The following RFC1 variants were observed in gnomAD, a reference collection of about 807,000 sequenced individuals.
RFC1 encodes the protein replication factor C subunit 1.
A neutral mutation model predicts 137.4 loss-of-function variants in RFC1; 37 were observed. That is an observed-to-expected ratio of 0.27 (90% confidence interval 0.21 to 0.35). The LOEUF is 0.35. RFC1 is among the 10% of genes least tolerant of loss of function. The pLI is 1.00. For missense variants in RFC1, 1,205 were observed against 1,358.5 expected, an observed-to-expected ratio of 0.89 and a Z score of 1.78; for synonymous variants, 429 against 455.7, an observed-to-expected ratio of 0.94 and a Z score of 0.75.
At chr4:39,328,677 T>A (rs17288090) in intron 4 of RFC1, among the ~76,000 whole-genome samples, 4 of 152,156 alleles carry the variant, frequency 2.6e-5, no homozygotes, top group Non-Finnish European at 5.9e-5. Context: ...AGGGGCCAAA[T>A]CCTGGAGGAC....
intron 4 of RFC1, among the ~76,000 whole-genome samples, chr4:39,331,516 C>T (rs1339568332): frequency 6.6e-6 from 1 of 151,956 alleles, no homozygotes; most frequent in Non-Finnish European, 1.5e-5. Context: ...AAGATGGCCT[C>T]AACAACCATA....
chr4:39,293,830 A>AG (rs1269654026), intron 22 of RFC1, among the ~76,000 whole-genome samples: 2 of 152,116 alleles, frequency 1.3e-5, no homozygotes, highest in Admixed American at 6.6e-5. Flanking sequence ...ACCTTTAAAA[A>AG]CGCCAGGTAA....
chr4:39,327,968 C>CA (rs1224272204), intron 4 of RFC1, among the ~76,000 whole-genome samples: 3 of 151,902 alleles, frequency 2.0e-5, no homozygotes, highest in Admixed American at 6.6e-5. Flanking sequence ...TCCTTCTCTT[C>CA]AAAAAAATTA....
chr4:39,339,088 T>A lies in RFC1; in HGVS notation c.331+3257A>T, dbSNP rs1343125403. On this transcript the variant is annotated intron_variant, in intron 4 of 24. Coordinates refer to ENST00000349703, the MANE Select transcript of RFC1 (RefSeq NM_002913.5). The stretch of plus-strand genomic sequence containing the variant: ...TGGCAAATGACAGAATCTCCTTTTT[T>A]TTTTAAAGCCAAATAATATTCCATT... Among the ~76,000 whole-genome samples the A allele has an allele frequency of 3.3e-5, 5 of 152,170 alleles. No individual in the cohort carries two copies. In the East Asian group the frequency reaches 9.6e-4, roughly 29 times the overall value.
chr4:39,337,091 T>C (rs555016776), intron 4 of RFC1, among the ~76,000 whole-genome samples: 60 of 152,174 alleles, frequency 3.9e-4, no homozygotes, highest in African/African-American at 1.4e-3. Flanking sequence ...AAGCAAGCTG[T>C]AGGCCAGGTG....
At chr4:39,296,250 C>CTTTTTTTTTTTTTTTTT (rs10717106) in intron 21 of RFC1, among the ~76,000 whole-genome samples, 1 of 132,756 alleles carries the variant, frequency 7.5e-6, no homozygotes. Context: ...TTTTTTTTTT[C>CTTTTTTTTTTTTTTTTT]TTTTTTTTTT....
rs1742031130 is a variant in RFC1, at chr4:39,366,342, G to A, written c.-101C>T. ...CATTCGCGCCAACAACTTCTCCCGCGAAGTGCAAGAAGGCGAAGACAGTGG... is the reference window on the plus strand; with the variant it reads ...CATTCGCGCCAACAACTTCTCCCGCAAAGTGCAAGAAGGCGAAGACAGTGG... On this transcript the variant is annotated 5_prime_UTR_variant, in exon 1 of 25. Coordinates refer to ENST00000349703, the MANE Select transcript of RFC1 (RefSeq NM_002913.5). The A allele has an allele frequency of 7.6e-7, 1 of 1,321,750 alleles. No homozygotes were observed. The highest frequency in any genetic ancestry group is 9.9e-7 in the Non-Finnish European group (1 of 1,005,246). The allele number at this position is 1,321,750 out of a possible 1,614,324, so 81.9% of individuals were successfully genotyped here. A position where few individuals can be genotyped will look rare whatever the true frequency, so the allele number is the denominator to read the frequency against.
chr4:39,344,074 A>G (rs778339223), intron 3 of RFC1, among the ~76,000 whole-genome samples: 21 of 151,946 alleles, frequency 1.4e-4, no homozygotes, highest in Non-Finnish European at 2.4e-4. Context: ...AGATCATGCC[A>G]TTGCACTCCA....
At chr4:39,334,172 A>G (rs897251739) in intron 4 of RFC1, among the ~76,000 whole-genome samples, 2 of 152,118 alleles carry the variant, frequency 1.3e-5, no homozygotes, top group Non-Finnish European at 2.9e-5. Flanking sequence ...AAGCAAATTC[A>G]TGATCCTAAG....
chr4:39,354,405 A>G (rs764538988), intron 1 of RFC1, among the ~76,000 whole-genome samples: 7 of 152,212 alleles, frequency 4.6e-5, no homozygotes, highest in Non-Finnish European at 1.0e-4. Flanking sequence ...TGAAATGCAG[A>G]AAAACAAGTC....
chr4:39,345,330 A>G, intron 3 of RFC1, 71 bp downstream of exon 3: 1 of 1,304,100 alleles, frequency 7.7e-7, no homozygotes, highest in East Asian at 2.3e-5. Context: ...CTTAGAACAT[A>G]GTTTAAAGCA....
chr4:39,366,065 C>T (rs1337401296), intron 1 of RFC1, among the ~76,000 whole-genome samples, 174 bp downstream of exon 1: 1 of 152,220 alleles, frequency 6.6e-6, no homozygotes. Flanking sequence ...GCCCGCGATG[C>T]AATGAAAGTT....
chr4:39,345,078 G>A (rs937170428), intron 3 of RFC1, among the ~76,000 whole-genome samples: 4 of 151,974 alleles, frequency 2.6e-5, no homozygotes, highest in African/African-American at 7.3e-5. Context: ...GTGCAGTGGC[G>A]ATCTTGGCTC....
intron 13 of RFC1, among the ~76,000 whole-genome samples, chr4:39,307,951 T>C (rs2109628956): frequency 6.6e-6 from 1 of 152,330 alleles, no homozygotes; most frequent in South Asian, 2.1e-4. Context: ...AAAACATTTG[T>C]GATCTCAAAG....
rs1195805630 is a variant in RFC1, at chr4:39,302,486, T to C, written c.2436+14A>G. The C allele has an allele frequency of 3.9e-6, 6 of 1,540,700 alleles. No individual in the cohort carries two copies. The African/African-American group carries it at 6.8e-5, about 17-fold the overall frequency. On this transcript the variant is annotated intron_variant, in intron 18 of 24. Transcript: ENST00000349703. ...AATAATCAACAACTGTTACATGATA[T>C]ATATTTAATTTACCTGTCTGATATC...
At chr4:39,351,528 A>G in intron 1 of RFC1, 52 bp from the exon 2 acceptor site, 1 of 1,443,734 alleles carries the variant, frequency 6.9e-7, no homozygotes, top group Non-Finnish European at 9.2e-7. Context: ...GCATAAAATT[A>G]TAACTTCAAT....
At chr4:39,313,057 G>C in intron 10 of RFC1, 126 bp from the exon 11 acceptor site, 1 of 786,126 alleles carries the variant, frequency 1.3e-6, no homozygotes, top group South Asian at 2.1e-5. Context: ...GGCATGGAAA[G>C]TTTGCTGGAA....
chr4:39,334,553 T>C (rs1411524305), intron 4 of RFC1, among the ~76,000 whole-genome samples: 1 of 152,068 alleles, frequency 6.6e-6, no homozygotes, highest in Non-Finnish European at 1.5e-5. Flanking sequence ...CAAATAAAGT[T>C]GTAGTTGTTC....
chr4:39,347,717 AAGAGAAGAGCT>A (rs1221913779), intron 2 of RFC1, among the ~76,000 whole-genome samples: 1 of 152,200 alleles, frequency 6.6e-6, no homozygotes. Context: ...TGATGAAGAG[AAGAGAAGAGCT>A]AGAGAAGAAG....
Sources: gnomAD v4.1 joint callset for allele counts (sites outside exome capture counted in the v4.1 genomes callset) on GRCh38, gnomAD v4.1.1 for gene constraint, MANE v1.5 for transcripts, NCBI Gene and HGNC (gene_info 2026-07-23, HGNC 2026-07-21) for gene names.